SASH1: variants seen among roughly 807,000 people sequenced by gnomAD.
SASH1 encodes SAM and SH3 domain containing 1, also known as SAM and SH3 domain-containing protein 1.
A neutral mutation model predicts 125.2 loss-of-function variants in SASH1; 44 were observed. The observed-to-expected ratio is 0.35, with a 90% CI of 0.28 to 0.45. The LOEUF is 0.45. Ranked by LOEUF, SASH1 falls within the 20% of genes least tolerant of loss-of-function variation. SASH1 has a pLI of 1.00. For missense variants in SASH1, 1,426 were observed against 1,614.5 expected, an observed-to-expected ratio of 0.88 and a Z score of 2.00; for synonymous variants, 639 against 649.1, an observed-to-expected ratio of 0.98 and a Z score of 0.24.
At chr6:148,306,901 G>A (rs1780142691) in intron 1 of SASH1, among the ~76,000 whole-genome samples, 1 of 152,070 alleles carries the variant, frequency 6.6e-6, no homozygotes, top group Admixed American at 6.6e-5. Context: ...AGCAGAGGTG[G>A]GTCAGATGAC....
At chr6:148,488,309 A>G (rs1043972097) in intron 8 of SASH1, among the ~76,000 whole-genome samples, 11 of 152,262 alleles carry the variant, frequency 7.2e-5, no homozygotes, top group Non-Finnish European at 7.3e-5. Context: ...ACGCTGCAGC[A>G]TGTATCAGAA....
chr6:148,237,066 T>C, the SASH1 span, among the ~76,000 whole-genome samples: 1 of 152,228 alleles, frequency 6.6e-6, no homozygotes, highest in Non-Finnish European at 1.5e-5. Flanking sequence ...ACATTTCTAT[T>C]CTTTATCAAT....
chr6:148,429,694 G>C (rs1775983181), intron 2 of SASH1, among the ~76,000 whole-genome samples: 1 of 151,544 alleles, frequency 6.6e-6, no homozygotes, highest in African/African-American at 2.4e-5. Context: ...AGCGAGCTAT[G>C]GTCACACCAC....
At chr6:148,387,690 T>C (rs890610197) in intron 1 of SASH1, among the ~76,000 whole-genome samples, 3 of 130,628 alleles carry the variant, frequency 2.3e-5, no homozygotes, top group Non-Finnish European at 4.8e-5. Context: ...CTTTCTTTCT[T>C]TCGGCATCCT....
intron 4 of SASH1, among the ~76,000 whole-genome samples, chr6:148,453,961 G>A (rs573493417): frequency 2.0e-5 from 3 of 152,330 alleles, no homozygotes; most frequent in African/African-American, 7.2e-5. Context: ...GGCTGCACAG[G>A]CCAGGTGAGG....
chr6:148,222,701 T>C, the SASH1 span, among the ~76,000 whole-genome samples: 3 of 152,188 alleles, frequency 2.0e-5, no homozygotes, highest in African/African-American at 7.2e-5. Flanking sequence ...TTGAATCATT[T>C]TACTACCATT....
intron 2 of SASH1, among the ~76,000 whole-genome samples, chr6:148,427,094 A>T (rs146911189): frequency 1.3e-5 from 2 of 152,258 alleles, no homozygotes; most frequent in Admixed American, 1.3e-4. Context: ...GTGAGCTGAG[A>T]TTGTGCCACT....
chr6:148,542,001 A>AT (rs890332541), intron 17 of SASH1, among the ~76,000 whole-genome samples: 2 of 151,848 alleles, frequency 1.3e-5, no homozygotes, highest in Non-Finnish European at 2.9e-5. Context: ...GTTCTGAAGA[A>AT]TTTTTTTTTC....
rs1781740830 is a variant in SASH1 at position 148,534,772 on chromosome 6, T to C, written c.1966T>C (p.Phe656Leu). The part of the protein sequence containing the change: ...NLKEHMPTFL[F>L]NGYEDLDTFK... The stretch of plus-strand genomic sequence containing the variant: ...ACAGGAGCACATGCCCACTTTCCTG[T>C]TCAATGGATATGAAGATTTGGACAC... The change falls in exon 16 of 20, where the codon TTC becomes CTC. Residue 656 changes from phenylalanine (F) to leucine (L), a missense_variant. This residue lies in a region of SASH1 where 225 missense variants were observed against 344.5 expected (regional missense o/e 0.65). Transcript: ENST00000367467. The C allele has an allele frequency of 6.2e-7, 1 of 1,614,114 alleles. No individual in the cohort carries two copies. Among genetic ancestry groups the C allele is most frequent in the African/African-American group, 1.3e-5 (1 of 74,936 alleles).
Position 148,534,451 on chromosome 6 carries a change from G to A in SASH1, c.1945-300G>A, listed in dbSNP as rs73017012. ...TGGAGGAGGAGTCTCCTCTGTTGTG[G>A]GCTCTGTGGAGGTAAAGGAATTAGC... On this transcript the variant is annotated intron_variant, in intron 15 of 19. Coordinates refer to ENST00000367467, the MANE Select transcript of SASH1 (RefSeq NM_015278.5). Among the ~76,000 whole-genome samples, 818 of 152,254 alleles carry A rather than the reference G, an allele frequency of 5.4e-3. 5 individuals carry two copies. Among genetic ancestry groups the A allele is most frequent in the Middle Eastern group, 0.027 (8 of 294 alleles).
chr6:148,383,583 A>C (rs745887160), intron 1 of SASH1, among the ~76,000 whole-genome samples: 2 of 152,188 alleles, frequency 1.3e-5, no homozygotes, highest in Non-Finnish European at 2.9e-5. Context: ...TACAATCTGC[A>C]TGCAACAGAT....
intron 8 of SASH1, among the ~76,000 whole-genome samples, chr6:148,509,997 C>G (rs1780025032): frequency 6.6e-6 from 1 of 152,200 alleles, no homozygotes; most frequent in Non-Finnish European, 1.5e-5. Context: ...ATTCAGTGGC[C>G]TGGCCGGCAA....
intron 17 of SASH1, among the ~76,000 whole-genome samples, chr6:148,540,921 C>T (rs189923012): frequency 1.4e-3 from 217 of 152,264 alleles, no homozygotes; most frequent in African/African-American, 4.9e-3. Context: ...TTAAATGCCT[C>T]GGCTGCATGG....
intron 1 of SASH1, among the ~76,000 whole-genome samples, chr6:148,310,477 G>T (rs11969502): frequency 0.27 from 40,593 of 150,660 alleles, 5,636 homozygotes; most frequent in South Asian, 0.35. Context: ...CACTGTGACT[G>T]TGGTAAATAA....
Position 148,388,702 on chromosome 6 carries a change from A to G in SASH1, c.157-1432A>G, listed in dbSNP as rs537658486. 8.8e-4 allele frequency among the ~76,000 whole-genome samples: 134 copies of G among 152,246 alleles called. 1 individual carries two copies. The highest frequency in any genetic ancestry group is 1.6e-3 in the Non-Finnish European group (110 of 68,038). ...TTGCTCTGCCCCAGGCCTGCTGACC[A>G]GGGTGTAGGTCTTTAGCAGAAAGGC... On this transcript the variant is annotated intron_variant, in intron 1 of 19. Coordinates refer to ENST00000367467, the MANE Select transcript of SASH1 (RefSeq NM_015278.5).
At position 148,471,523 on chromosome 6, in the gene SASH1, G is replaced by A. The variant is rs373611955; in HGVS notation, c.514+20G>A. ...CAAAAGGTACTGCAATGCAGCTGGC[G>A]GACAGTAGGTCCTTTTAGCTCTAAC... On this transcript the variant is annotated intron_variant, in intron 6 of 19. Coordinates refer to ENST00000367467, the MANE Select transcript of SASH1 (RefSeq NM_015278.5). The A allele has an allele frequency of 2.4e-5, 34 of 1,429,556 alleles. No individual in the cohort carries two copies. The highest frequency in any genetic ancestry group is 1.6e-4 in the African/African-American group (11 of 69,996). The allele number at this position is 1,429,556 out of a possible 1,614,324, so 88.6% of individuals were successfully genotyped here. A position where few individuals can be genotyped will look rare whatever the true frequency, so the allele number is the denominator to read the frequency against.
At chr6:148,494,128 G>A (rs1349862862) in intron 8 of SASH1, among the ~76,000 whole-genome samples, 1 of 152,168 alleles carries the variant, frequency 6.6e-6, no homozygotes, top group African/African-American at 2.4e-5. Context: ...GTGGGTAAGA[G>A]TTAGTGATCT....
chr6:148,400,492 G>A (rs1784128508), intron 2 of SASH1, among the ~76,000 whole-genome samples: 1 of 152,242 alleles, frequency 6.6e-6, no homozygotes. Context: ...GCTCATGCCT[G>A]TAATCCCAGC....
the SASH1 span, among the ~76,000 whole-genome samples, chr6:148,219,456 T>C: frequency 6.6e-6 from 1 of 152,192 alleles, no homozygotes; most frequent in Non-Finnish European, 1.5e-5. Context: ...TCTGACGCTA[T>C]GATGATTCCC....
Sources: allele counts gnomAD v4.1 joint callset (sites outside exome capture counted in the v4.1 genomes callset), GRCh38; gene constraint gnomAD v4.1.1; regional missense constraint gnomAD v4.1.1; transcripts MANE v1.5; gene names NCBI Gene and HGNC (gene_info 2026-07-23, HGNC 2026-07-21).